The following UNC13C variants were observed in gnomAD, a reference collection of about 807,000 sequenced individuals.
UNC13C encodes the protein protein unc-13 homolog C.
In UNC13C, 174 loss-of-function variants were observed where a neutral mutation model predicts 245.4. The ratio of observed to expected loss-of-function variants is 0.71; its 90% confidence interval spans 0.63 to 0.80. The LOEUF is 0.80. UNC13C is among the 30% of genes least tolerant of loss of function. The pLI is 0.00. For missense variants in UNC13C, 2,829 were observed against 2,602.9 expected (o/e 1.09, Z -1.89); for synonymous variants, 992 against 895.1 (o/e 1.11, Z -1.93).
chr15:54,576,241 G>A (rs139259694), intron 30 of UNC13C, among the ~76,000 whole-genome samples: 27 of 152,258 alleles, frequency 1.8e-4, no homozygotes, highest in African/African-American at 6.5e-4. Flanking sequence ...GGTCAAGTAG[G>A]TAAGTGACAG....
chr15:54,044,090 C>T (rs925402793), intron 2 of UNC13C, among the ~76,000 whole-genome samples: 4 of 152,140 alleles, frequency 2.6e-5, no homozygotes, highest in Non-Finnish European at 4.4e-5. Context: ...TTCCCCTGCC[C>T]CCAGCCTCTG....
At chr15:54,493,295 T>C (rs1893803748) in intron 19 of UNC13C, among the ~76,000 whole-genome samples, 1 of 152,160 alleles carries the variant, frequency 6.6e-6, no homozygotes. Context: ...AAAATCTTGT[T>C]TGGGAGTTTG....
intron 4 of UNC13C, among the ~76,000 whole-genome samples, chr15:54,191,742 T>C (rs752768223): frequency 9.2e-5 from 14 of 152,190 alleles, no homozygotes; most frequent in Non-Finnish European, 2.1e-4. Flanking sequence ...ATGATCACCA[T>C]TCTAACTGGC....
intron 17 of UNC13C, among the ~76,000 whole-genome samples, chr15:54,343,873 C>G (rs2038796378): frequency 6.6e-6 from 1 of 151,336 alleles, no homozygotes; most frequent in African/African-American, 2.4e-5. Flanking sequence ...ATAGAAATTA[C>G]TAAGAGTTAA....
chr15:54,416,963 A>T (rs944156272), intron 19 of UNC13C: 3 of 456,418 alleles, frequency 6.6e-6, no homozygotes, highest in Non-Finnish European at 1.3e-5. Flanking sequence ...CAATCTTCAT[A>T]AGCAGCCATG....
chr15:54,479,734 T>C (rs906692584), intron 19 of UNC13C, among the ~76,000 whole-genome samples: 3 of 152,232 alleles, frequency 2.0e-5, no homozygotes, highest in South Asian at 2.1e-4. Context: ...TTTTTCTGTA[T>C]GCACTCTACT....
chr15:53,872,479 G>A, the UNC13C span, among the ~76,000 whole-genome samples: 1,544 of 152,152 alleles, frequency 0.01, 27 homozygotes, highest in African/African-American at 0.035. Context: ...GATTTAGATG[G>A]TTGTCTAAAT....
chr15:53,855,866 G>C, the UNC13C span, among the ~76,000 whole-genome samples: 19,250 of 152,162 alleles, frequency 0.13, 1,384 homozygotes, highest in Admixed American at 0.21. Context: ...AGTAGACACG[G>C]TACCAACTCT....
intron 19 of UNC13C, among the ~76,000 whole-genome samples, chr15:54,470,232 C>T (rs11855686): frequency 0.41 from 62,313 of 151,174 alleles, 13,114 homozygotes; most frequent in East Asian, 0.62. Context: ...ATCTGTCTGG[C>T]TTTGGTATCA....
At chr15:53,983,008 GA>G (rs1248514465) in intron 1 of UNC13C, among the ~76,000 whole-genome samples, 1 of 152,094 alleles carries the variant, frequency 6.6e-6, no homozygotes, top group African/African-American at 2.4e-5. Context: ...AATTGAGTAA[GA>G]AATTTGTCAA....
chr15:54,589,126 C>T (rs1218874714), intron 30 of UNC13C, among the ~76,000 whole-genome samples: 1 of 152,022 alleles, frequency 6.6e-6, no homozygotes, highest in East Asian at 1.9e-4. Context: ...TCCCTGATCA[C>T]CGCAATGACA....
chr15:54,198,944 T>C (rs1167807366), intron 4 of UNC13C, among the ~76,000 whole-genome samples: 1 of 151,882 alleles, frequency 6.6e-6, no homozygotes, highest in African/African-American at 2.4e-5. Flanking sequence ...AAAAATGTGA[T>C]ACAGGATATA....
At chr15:53,934,142 A>C in the UNC13C span, among the ~76,000 whole-genome samples, 1 of 152,350 alleles carries the variant, frequency 6.6e-6, no homozygotes, top group African/African-American at 2.4e-5. Context: ...ACCAGATCTC[A>C]CAAGATCTCA....
At chr15:54,318,730 T>C (rs528767017) in intron 13 of UNC13C, among the ~76,000 whole-genome samples, 1 of 152,094 alleles carries the variant, frequency 6.6e-6, no homozygotes, top group African/African-American at 2.4e-5. Flanking sequence ...CTTGAGTTTT[T>C]CCTTTGCTGT....
intron 19 of UNC13C, among the ~76,000 whole-genome samples, chr15:54,429,228 G>T (rs1166038756): frequency 6.6e-6 from 1 of 151,600 alleles, no homozygotes; most frequent in Non-Finnish European, 1.5e-5. Context: ...TAAACTTTAT[G>T]ATATATAAAT....
intron 28 of UNC13C, among the ~76,000 whole-genome samples, chr15:54,552,818 T>TATAATTATATTATATAGTAC: frequency 2.1e-5 from 2 of 93,940 alleles, no homozygotes; most frequent in Non-Finnish European, 1.8e-5. Flanking sequence ...CAATATAATA[T>TATAATTATATTATATAGTAC]AATATATAAT....
chr15:54,321,950 G>T lies in UNC13C; in HGVS notation c.4280G>T (p.Cys1427Phe). ...TTTTTGTCTTTCAGGCACTTTTCATGTCTGTCTTCTAAATACATGTGCCCC... is the reference window on the plus strand; with the variant it reads ...TTTTTGTCTTTCAGGCACTTTTCATTTCTGTCTTCTAAATACATGTGCCCC... ...SIYQAMTHFSCLSSKYMCPGV... is the reference protein window; with the variant it reads ...SIYQAMTHFSFLSSKYMCPGV... The change falls in exon 14 of 33, where the codon TGT (cysteine) becomes TTT (phenylalanine). Residue 1427 changes from cysteine (C) to phenylalanine (F), a missense_variant. Transcript: ENST00000260323. 1.9e-6 allele frequency: 3 copies of T among 1,573,740 alleles called. No individual in the cohort carries two copies. The highest frequency in any genetic ancestry group is 2.6e-6 in the Non-Finnish European group (3 of 1,158,762).
intron 2 of UNC13C, among the ~76,000 whole-genome samples, chr15:54,117,263 A>G (rs1253702072): frequency 1.3e-5 from 2 of 152,024 alleles, no homozygotes; most frequent in African/African-American, 4.8e-5. Context: ...TTGCTGTGCC[A>G]GGACCTTTTA....
At chr15:53,980,360 A>G (rs936698332) in intron 1 of UNC13C, among the ~76,000 whole-genome samples, 1 of 152,156 alleles carries the variant, frequency 6.6e-6, no homozygotes, top group African/African-American at 2.4e-5. Flanking sequence ...GCAAAGTATT[A>G]AGTTTATGTT....
Sources: allele counts gnomAD v4.1 joint callset (sites outside exome capture counted in the v4.1 genomes callset), GRCh38; gene constraint gnomAD v4.1.1; transcripts MANE v1.5; gene names NCBI Gene and HGNC (gene_info 2026-07-23, HGNC 2026-07-21).